LINGO2: variants seen among roughly 807,000 people sequenced by gnomAD.
LINGO2 encodes leucine-rich repeat and immunoglobulin-like domain-containing nogo receptor-interacting protein 2.
Under a neutral mutation model 30.6 loss-of-function variants are expected in LINGO2, and 14 were observed. The observed-to-expected ratio is 0.46, with a 90% CI of 0.30 to 0.72. The LOEUF is 0.72. Ranked by LOEUF, LINGO2 falls within the 30% of genes least tolerant of loss-of-function variation. The pLI is 0.07. For missense variants in LINGO2, 729 were observed against 751.7 expected, an observed-to-expected ratio of 0.97 and a Z score of 0.35; for synonymous variants, 317 against 288.5, an observed-to-expected ratio of 1.10 and a Z score of -1.00.
intron 3 of LINGO2, among the ~76,000 whole-genome samples, chr9:28,353,509 G>T (rs984802779): frequency 2.0e-5 from 3 of 152,058 alleles, no homozygotes; most frequent in African/African-American, 7.2e-5. Context: ...AACAGCAGGT[G>T]CTGGAGAGGA....
the LINGO2 span, among the ~76,000 whole-genome samples, chr9:29,195,498 T>C: frequency 6.6e-6 from 1 of 152,030 alleles, no homozygotes; most frequent in African/African-American, 2.4e-5. Context: ...ATTTTTCCCA[T>C]TATTAACTTC....
chr9:28,739,793 T>C, the LINGO2 span, among the ~76,000 whole-genome samples: 3 of 151,620 alleles, frequency 2.0e-5, no homozygotes, highest in Non-Finnish European at 4.4e-5. Context: ...ACTGTAGTTA[T>C]GGAGTAAGTT....
In LINGO2 at chr9:27,950,522, GGCGATCAATC is replaced by G; in HGVS notation, c.140_149del (p.Arg47ProfsTer20). The G allele has an allele frequency of 6.3e-7, 1 of 1,579,722 alleles. No individual in the cohort carries two copies. The highest frequency in any genetic ancestry group is 8.6e-7 in the Non-Finnish European group (1 of 1,161,614). The stretch of plus-strand genomic sequence containing the variant: ...TTTCGATGGGAATGCCCTCTGGGAT[GGCGATCAATC>G]GCCTTCTGTGACAGCTAACAGATTT... On this transcript the variant is annotated frameshift_variant, in exon 6 of 6. Coordinates refer to ENST00000379992, the Ensembl canonical transcript of LINGO2. LOFTEE classifies it high-confidence loss of function.
At chr9:27,994,563 C>T (rs1439374104) in intron 5 of LINGO2, among the ~76,000 whole-genome samples, 3 of 152,126 alleles carry the variant, frequency 2.0e-5, no homozygotes, top group African/African-American at 7.2e-5. Context: ...CAGAAAGGAA[C>T]ACCCATTAAG....
chr9:29,087,544 A>G, the LINGO2 span, among the ~76,000 whole-genome samples: 1 of 152,198 alleles, frequency 6.6e-6, no homozygotes, highest in South Asian at 2.1e-4. Flanking sequence ...TGGATTCTAA[A>G]GCCTATGAGT....
intron 4 of LINGO2, among the ~76,000 whole-genome samples, chr9:28,229,923 G>C (rs1028141838): frequency 6.6e-5 from 10 of 151,560 alleles, no homozygotes; most frequent in African/African-American, 2.4e-5. Flanking sequence ...TCTCAAAAAA[G>C]AACAACTTGT....
the LINGO2 span, among the ~76,000 whole-genome samples, chr9:28,851,195 A>G: frequency 0.11 from 16,824 of 152,078 alleles, 1,125 homozygotes; most frequent in African/African-American, 0.19. Flanking sequence ...CAGATTTATT[A>G]TCATTGGGCT....
chr9:28,565,900 A>G (rs1200543857), intron 1 of LINGO2, among the ~76,000 whole-genome samples: 1 of 152,122 alleles, frequency 6.6e-6, no homozygotes, highest in Non-Finnish European at 1.5e-5. Context: ...GAAAGGCTAT[A>G]TAGCTTTGTC....
At chr9:28,563,159 T>G (rs1482748426) in intron 1 of LINGO2, among the ~76,000 whole-genome samples, 1 of 152,128 alleles carries the variant, frequency 6.6e-6, no homozygotes, top group Non-Finnish European at 1.5e-5. Flanking sequence ...ATAAAACTTG[T>G]TATTTTCATT....
At chr9:28,142,687 T>C (rs1390594023) in intron 4 of LINGO2, among the ~76,000 whole-genome samples, 1 of 152,230 alleles carries the variant, frequency 6.6e-6, no homozygotes, top group Non-Finnish European at 1.5e-5. Context: ...GATTCCTTTA[T>C]TGTGGGGATT....
At chr9:28,814,031 C>A in the LINGO2 span, among the ~76,000 whole-genome samples, 1 of 152,168 alleles carries the variant, frequency 6.6e-6, no homozygotes, top group African/African-American at 2.4e-5. Flanking sequence ...TTACTGATAA[C>A]AAGCCTAGAA....
chr9:28,557,190 A>C (rs1822759440), intron 1 of LINGO2, among the ~76,000 whole-genome samples: 1 of 152,120 alleles, frequency 6.6e-6, no homozygotes, highest in South Asian at 2.1e-4. Context: ...AAAAGAAATT[A>C]CCATCAGAGT....
At chr9:28,617,459 C>T (rs1826186037) in intron 1 of LINGO2, among the ~76,000 whole-genome samples, 1 of 151,972 alleles carries the variant, frequency 6.6e-6, no homozygotes, top group Non-Finnish European at 1.5e-5. Context: ...CCACTCCTGG[C>T]TAATTTTTTG....
chr9:29,016,420 T>C, the LINGO2 span, among the ~76,000 whole-genome samples: 541 of 152,290 alleles, frequency 3.6e-3, 2 homozygotes, highest in African/African-American at 0.012. Flanking sequence ...GTGTATACAC[T>C]GACCAGGAAC....
intron 4 of LINGO2, among the ~76,000 whole-genome samples, chr9:28,061,321 C>T (rs1378692820): frequency 1.3e-5 from 2 of 151,204 alleles, no homozygotes; most frequent in Non-Finnish European, 2.9e-5. Context: ...GTAATGAGTA[C>T]ACGAAAAGCC....
At chr9:28,958,800 GAGAA>G in the LINGO2 span, among the ~76,000 whole-genome samples, 3 of 152,072 alleles carry the variant, frequency 2.0e-5, no homozygotes, top group Admixed American at 1.3e-4. Context: ...GAGAGACTGA[GAGAA>G]AGAGAGGTTG....
the LINGO2 span, among the ~76,000 whole-genome samples, chr9:28,711,706 T>C: frequency 6.6e-6 from 1 of 152,150 alleles, no homozygotes; most frequent in Admixed American, 6.6e-5. Flanking sequence ...CCTGATTCTG[T>C]TATTTAAGTA....
chr9:28,415,631 T>A (rs1398970182), intron 2 of LINGO2, among the ~76,000 whole-genome samples: 1 of 152,178 alleles, frequency 6.6e-6, no homozygotes, highest in East Asian at 1.9e-4. Context: ...GGACCCAGTT[T>A]AAATATAATC....
chr9:28,273,245 T>C (rs990933881), intron 4 of LINGO2, among the ~76,000 whole-genome samples: 6 of 152,232 alleles, frequency 3.9e-5, no homozygotes, highest in African/African-American at 1.4e-4. Flanking sequence ...AAGAGTTATC[T>C]TGTTATTGAA....
Sources: allele counts gnomAD v4.1 joint callset (sites outside exome capture counted in the v4.1 genomes callset), GRCh38; gene constraint gnomAD v4.1.1; transcripts MANE v1.5; gene names NCBI Gene and HGNC (gene_info 2026-07-23, HGNC 2026-07-21).